Variants in VAV3 observed in about 807,000 individuals in gnomAD.
VAV3 encodes the protein vav guanine nucleotide exchange factor 3.
VAV3 carries 94 observed loss-of-function variants against 131.2 expected under a neutral mutation model. That is an observed-to-expected ratio of 0.72 (90% confidence interval 0.61 to 0.85). The LOEUF (loss-of-function observed/expected upper bound fraction) is 0.85. VAV3 is among the 40% of genes least tolerant of loss of function. The pLI is 0.00. For missense variants in VAV3, 939 were observed against 1,002.7 expected, an observed-to-expected ratio of 0.94 and a Z score of 0.86; for synonymous variants, 349 against 342.0, an observed-to-expected ratio of 1.02 and a Z score of -0.22.
intron 1 of VAV3, among the ~76,000 whole-genome samples, chr1:107,945,822 CAAA>C (rs36155213): frequency 4.7e-4 from 6 of 12,726 alleles, no homozygotes; most frequent in Non-Finnish European, 9.7e-4. Flanking sequence ...AACTCCGACT[CAAA>C]AAAAAAAAAA....
intron 15 of VAV3, among the ~76,000 whole-genome samples, chr1:107,709,719 T>C (rs910572312): frequency 2.6e-5 from 4 of 152,308 alleles, no homozygotes; most frequent in East Asian, 3.9e-4. Flanking sequence ...TGGGATCTGA[T>C]GGTTTTATAA....
intron 4 of VAV3, among the ~76,000 whole-genome samples, chr1:107,775,263 G>A (rs138644094): frequency 6.6e-6 from 1 of 152,078 alleles, no homozygotes; most frequent in Non-Finnish European, 1.5e-5. Flanking sequence ...ATTTATAGGT[G>A]TAAGTCACCA....
chr1:107,619,899 C>T (rs898428713), intron 20 of VAV3, among the ~76,000 whole-genome samples: 3 of 152,146 alleles, frequency 2.0e-5, no homozygotes, highest in Admixed American at 6.6e-5. Context: ...CAGAGCCCCT[C>T]ATGTAAATTG....
chr1:107,771,523 G>C (rs1004441431), intron 5 of VAV3, among the ~76,000 whole-genome samples: 2 of 152,170 alleles, frequency 1.3e-5, no homozygotes, highest in Non-Finnish European at 2.9e-5. Flanking sequence ...AGAGTGCTGG[G>C]ATTACAAGCG....
chr1:107,794,467 CTT>C (rs1557851568), intron 2 of VAV3, among the ~76,000 whole-genome samples: 2 of 152,126 alleles, frequency 1.3e-5, no homozygotes, highest in Non-Finnish European at 1.5e-5. Flanking sequence ...AAAAAATTCT[CTT>C]GATTTTGATT....
At chr1:107,913,282 A>C (rs1375841357) in intron 1 of VAV3, among the ~76,000 whole-genome samples, 1 of 152,220 alleles carries the variant, frequency 6.6e-6, no homozygotes, top group African/African-American at 2.4e-5. Flanking sequence ...AAATGTCAGA[A>C]GGCCACAGAC....
At chr1:107,727,334 T>A (rs1661909183) in intron 15 of VAV3, among the ~76,000 whole-genome samples, 1 of 152,240 alleles carries the variant, frequency 6.6e-6, no homozygotes, top group African/African-American at 2.4e-5. Flanking sequence ...GTTTTTAAGA[T>A]GATGAATATG....
At chr1:107,767,969 T>C (rs184616486) in intron 7 of VAV3, among the ~76,000 whole-genome samples, 120 of 152,288 alleles carry the variant, frequency 7.9e-4, no homozygotes, top group African/African-American at 2.7e-3. Context: ...ATTTCATAAA[T>C]GGGAGTTACA....
chr1:107,723,370 G>T (rs1350096215), intron 15 of VAV3, among the ~76,000 whole-genome samples: 1 of 151,958 alleles, frequency 6.6e-6, no homozygotes. Context: ...CTTCAGGGTT[G>T]TCTTCCCACA....
chr1:107,660,425 C>T (rs544958385), intron 19 of VAV3, among the ~76,000 whole-genome samples: 66 of 152,308 alleles, frequency 4.3e-4, no homozygotes, highest in African/African-American at 1.6e-3. Context: ...AAGAAACTAA[C>T]TCATGTGGCA....
intron 21 of VAV3, among the ~76,000 whole-genome samples, chr1:107,610,536 T>C (rs1265702988): frequency 6.6e-6 from 1 of 152,156 alleles, no homozygotes; most frequent in East Asian, 1.9e-4. Flanking sequence ...TATAGACTCT[T>C]ATTTTGTAAT....
chr1:107,712,247 G>C (rs10159014), intron 15 of VAV3, among the ~76,000 whole-genome samples: 1 of 152,182 alleles, frequency 6.6e-6, no homozygotes, highest in African/African-American at 2.4e-5. Context: ...GTGTGAATTA[G>C]TGTAGAGCAA....
chr1:107,601,732 A>G (rs1198891177), intron 24 of VAV3, among the ~76,000 whole-genome samples: 1 of 152,198 alleles, frequency 6.6e-6, no homozygotes, highest in Non-Finnish European at 1.5e-5. Context: ...TAAATGACAT[A>G]CACAAAATAT....
At chr1:107,600,136 A>C (rs1021265366) in intron 24 of VAV3, among the ~76,000 whole-genome samples, 2 of 151,996 alleles carry the variant, frequency 1.3e-5, no homozygotes, top group Admixed American at 6.6e-5. Flanking sequence ...CTGATTCTTA[A>C]GCTTCTTTTT....
rs1675364761 is a variant in VAV3 at position 107,965,025 on chromosome 1, C to T, written c.-156G>A. 1.1e-5 allele frequency: 5 copies of T among 448,402 alleles called. No homozygotes were observed. 27.8% of individuals were successfully genotyped at this position (448,402 alleles called of 1,614,324 possible). ...GGAGCAGGAGCCGCGGCTGACGGGT[C>T]GCGGGCGCCGCGCTAGGCTCGGCTC... On this transcript the variant is annotated 5_prime_UTR_variant, in exon 1 of 27. Transcript: ENST00000370056.
intron 17 of VAV3, among the ~76,000 whole-genome samples, chr1:107,699,219 A>G (rs1659937332): frequency 6.6e-6 from 1 of 152,256 alleles, no homozygotes; most frequent in Admixed American, 6.5e-5. Context: ...CTCCCAAGAT[A>G]CAATAGGGGT....
At chr1:107,789,407 C>T (rs1225329937) in intron 2 of VAV3, among the ~76,000 whole-genome samples, 1 of 152,182 alleles carries the variant, frequency 6.6e-6, no homozygotes, top group African/African-American at 2.4e-5. Flanking sequence ...CAAAGATGCT[C>T]CATCTTTTGT....
At chr1:107,857,786 G>A (rs1315262916) in intron 2 of VAV3, among the ~76,000 whole-genome samples, 1 of 152,138 alleles carries the variant, frequency 6.6e-6, no homozygotes, top group Non-Finnish European at 1.5e-5. Flanking sequence ...TTTACCAAAA[G>A]ACTTTGCTGG....
intron 15 of VAV3, among the ~76,000 whole-genome samples, chr1:107,741,385 A>G (rs61798913): frequency 6.6e-6 from 1 of 152,172 alleles, no homozygotes; most frequent in Admixed American, 6.5e-5. Flanking sequence ...CGGCCTGACT[A>G]GCCGCTCCCT....
Sources: allele counts gnomAD v4.1 joint callset (sites outside exome capture counted in the v4.1 genomes callset), GRCh38; gene constraint gnomAD v4.1.1; transcripts MANE v1.5; gene names NCBI Gene and HGNC (gene_info 2026-07-23, HGNC 2026-07-21).